Variants in PROCR observed in about 807,000 individuals in gnomAD.
PROCR encodes the protein endothelial protein C receptor.
A neutral mutation model predicts 24.2 loss-of-function variants in PROCR; 22 were observed. The ratio of observed to expected loss-of-function variants is 0.91; its 90% CI spans 0.65 to 1.30. The LOEUF is 1.30. Ranked by LOEUF, PROCR falls within the 50% of genes most tolerant of loss-of-function variation. The pLI, the probability that PROCR is intolerant of heterozygous loss-of-function variation, is 0.00. For synonymous variants in PROCR, 137 were observed against 139.2 expected (o/e 0.98, Z 0.11); for missense variants, 288 against 307.7 (o/e 0.94, Z 0.48).
At chr20:35,186,423 G>A (rs537676794) in intron 1 of PROCR, among the ~76,000 whole-genome samples, 29 of 151,860 alleles carry the variant, frequency 1.9e-4, no homozygotes, top group Non-Finnish European at 3.1e-4. Flanking sequence ...AAAATTAGCC[G>A]GGCATGGTAG....
chr20:35,212,246 C>T (rs2146182849), intron 1 of PROCR, among the ~76,000 whole-genome samples: 1 of 152,210 alleles, frequency 6.6e-6, no homozygotes, highest in East Asian at 1.9e-4. Flanking sequence ...ATGTTCCAGG[C>T]AGAGGATGCA....
intron 1 of PROCR, among the ~76,000 whole-genome samples, chr20:35,183,736 A>G (rs1052644162): frequency 5.7e-4 from 87 of 152,300 alleles, no homozygotes; most frequent in African/African-American, 1.9e-3. Context: ...GTGAGATATG[A>G]CCATGCCCAG....
At chr20:35,215,962 C>A in exon 2 of PROCR, 2 of 793,960 alleles carry the variant, frequency 2.5e-6, no homozygotes, top group Non-Finnish European at 1.5e-6. Flanking sequence ...CTTTGGGAGG[C>A]CGAGGCAGGA....
At chr20:35,200,769 C>T (rs1180457917) in intron 1 of PROCR, among the ~76,000 whole-genome samples, 1 of 152,132 alleles carries the variant, frequency 6.6e-6, no homozygotes, top group Non-Finnish European at 1.5e-5. Flanking sequence ...GCCTAAGCCA[C>T]TTTGGTAGCA....
At chr20:35,215,743 G>A (rs2060380067) in intron 1 of PROCR, 1 of 399,466 alleles carries the variant, frequency 2.5e-6, no homozygotes, top group Non-Finnish European at 3.4e-6. Flanking sequence ...GGACAGTGGT[G>A]AGGATTAAGT....
Position 35,208,801 on chromosome 20 carries a change from C to A in PROCR, c.95-7092C>A, listed in dbSNP as rs1047288047. Reference sequence around the variant, plus strand: ...ACCAGCCTGGCCAACATGGTGAAACCCCACCTCTAAAAATACTAAAATTAG... The same window carrying A: ...ACCAGCCTGGCCAACATGGTGAAACACCACCTCTAAAAATACTAAAATTAG... On this transcript the variant is annotated intron_variant, in intron 1 of 1. Transcript: ENST00000634509. Among the ~76,000 whole-genome samples the A allele has an allele frequency of 7.2e-5, 11 of 152,128 alleles. No homozygotes were observed. The South Asian group carries it at 2.3e-3, about 32-fold the overall frequency.
chr20:35,174,983 TG>T (rs2085995716), intron 2 of PROCR, 30 bp downstream of exon 2: 1 of 91,546 alleles, frequency 1.1e-5, no homozygotes, highest in Non-Finnish European at 1.6e-5. Context: ...GGGCGGGGTC[TG>T]GGCGGGGCTA....
chr20:35,196,224 T>C (rs1234329801), intron 1 of PROCR, among the ~76,000 whole-genome samples: 1 of 138,754 alleles, frequency 7.2e-6, no homozygotes, highest in Non-Finnish European at 1.6e-5. Context: ...GAGCCTCAGA[T>C]ACCTGTGGAA....
At chr20:35,199,130 A>G (rs1444307582) in intron 1 of PROCR, among the ~76,000 whole-genome samples, 2 of 152,220 alleles carry the variant, frequency 1.3e-5, no homozygotes, top group Non-Finnish European at 2.9e-5. Flanking sequence ...GTTGAAGCCA[A>G]TGTCCATGTA....
chr20:35,181,268 A>AT (rs199817527), downstream of PROCR, among the ~76,000 whole-genome samples: 77,900 of 148,684 alleles, frequency 0.52, 20,288 homozygotes, highest in South Asian at 0.65. Flanking sequence ...TTTAATTTTA[A>AT]TTTAATTTTA....
At chr20:35,205,130 G>A (rs1352887764) in intron 1 of PROCR, among the ~76,000 whole-genome samples, 1 of 151,676 alleles carries the variant, frequency 6.6e-6, no homozygotes, top group African/African-American at 2.4e-5. Context: ...AAAATTAGCT[G>A]GGTATGGTGG....
chr20:35,210,913 A>G (rs566935903), intron 1 of PROCR, among the ~76,000 whole-genome samples: 180 of 152,202 alleles, frequency 1.2e-3, no homozygotes, highest in African/African-American at 4.1e-3. Context: ...GGGTTTCACC[A>G]TGTTGGCCAG....
intron 1 of PROCR, among the ~76,000 whole-genome samples, chr20:35,212,806 A>G (rs1877707536): frequency 6.6e-6 from 1 of 152,216 alleles, no homozygotes; most frequent in Non-Finnish European, 1.5e-5. Flanking sequence ...AGGTATGCTC[A>G]TTTTCAAGGT....
At chr20:35,197,221 G>A (rs1834326991) in intron 1 of PROCR, among the ~76,000 whole-genome samples, 2 of 152,204 alleles carry the variant, frequency 1.3e-5, no homozygotes, top group African/African-American at 4.8e-5. Flanking sequence ...GCCTCCCAAA[G>A]TGCTAGGATT....
Position 35,174,786 on chromosome 20 carries a change from G to A in PROCR, c.155G>A (p.Gly52Glu), listed in dbSNP as rs1156549697. Residue 52 changes from glycine (G) to glutamate (E), a missense_variant, in exon 2 of 4, where the codon GGA becomes GAA. Transcript: ENST00000216968. ...VWYQGNASLG[G>E]HLTHVLEGPD... ...TACCAGGGCAACGCGTCGCTGGGGG[G>A]ACACCTAACGCACGTGCTGGAAGGC... 6 of 1,614,008 alleles carry A rather than the reference G, an allele frequency of 3.7e-6. No homozygotes were observed. In the East Asian group the frequency reaches 8.9e-5, roughly 24 times the overall value.
At chr20:35,175,577 C>CT (rs1284592742) in intron 2 of PROCR, among the ~76,000 whole-genome samples, 2,984 of 50,902 alleles carry the variant, frequency 0.059, 32 homozygotes, top group Non-Finnish European at 0.079. Flanking sequence ...ACCCCACCCC[C>CT]CTTTTTTTTT....
downstream of PROCR, chr20:35,177,512 G>A: frequency 1.6e-6 from 1 of 633,558 alleles, no homozygotes; most frequent in Non-Finnish European, 1.9e-6. Context: ...GCAATGGTGT[G>A]ATCTCAGCTC....
At position 35,172,109 on chromosome 20, in the gene PROCR, C is replaced by A; in HGVS notation, c.-46C>A. 1.3e-6 allele frequency: 2 copies of A among 1,596,306 alleles called. No individual in the cohort carries two copies. The highest frequency in any genetic ancestry group is 1.7e-6 in the Non-Finnish European group (2 of 1,163,924). On this transcript the variant is annotated 5_prime_UTR_variant, in exon 1 of 4. Coordinates refer to ENST00000216968, the MANE Select transcript of PROCR (RefSeq NM_006404.5). Reference sequence around the variant, plus strand: ...CCTAGACTGCAGCCAGCGGAGCCCGCAGCCGGCCCGAGCCAGGAACCCAGG... The same window carrying A: ...CCTAGACTGCAGCCAGCGGAGCCCGAAGCCGGCCCGAGCCAGGAACCCAGG...
At chr20:35,175,837 G>C (rs1442854785) in intron 2 of PROCR, among the ~76,000 whole-genome samples, 1 of 151,420 alleles carries the variant, frequency 6.6e-6, no homozygotes, top group East Asian at 1.9e-4. Flanking sequence ...CCACAAGCCT[G>C]GCCTCCCAAA....
Sources: gnomAD v4.1 joint callset for allele counts (sites outside exome capture counted in the v4.1 genomes callset) on GRCh38, gnomAD v4.1.1 for gene constraint, MANE v1.5 for transcripts, NCBI Gene and HGNC (gene_info 2026-07-23, HGNC 2026-07-21) for gene names.